The following NIBAN2 variants were observed in gnomAD, a reference collection of about 807,000 sequenced individuals.
NIBAN2 encodes the protein protein Niban 2.
A neutral mutation model predicts 81.8 loss-of-function variants in NIBAN2; 36 were observed. The ratio of observed to expected loss-of-function variants is 0.44; its 90% CI spans 0.34 to 0.58. The LOEUF is 0.58. NIBAN2 is among the 20% of genes least tolerant of loss of function. The pLI, the probability that NIBAN2 is intolerant of heterozygous loss-of-function variation, is 0.02. For synonymous variants in NIBAN2, 445 were observed against 441.6 expected, an observed-to-expected ratio of 1.01 and a Z score of -0.10; for missense variants, 897 against 1,014.1, an observed-to-expected ratio of 0.88 and a Z score of 1.57.
At chr9:127,539,161 A>G (rs758020651) in intron 1 of NIBAN2, among the ~76,000 whole-genome samples, 4 of 152,104 alleles carry the variant, frequency 2.6e-5, no homozygotes, top group South Asian at 2.1e-4. Flanking sequence ...AAAGGAAGAA[A>G]AGTGAGGCTC....
intron 1 of NIBAN2, among the ~76,000 whole-genome samples, chr9:127,564,191 G>A (rs867465629): frequency 6.6e-6 from 1 of 151,916 alleles, no homozygotes; most frequent in Non-Finnish European, 1.5e-5. Flanking sequence ...TACTCAGGAG[G>A]CTGAGACAGG....
Position 127,508,084 on chromosome 9 carries a change from G to T in NIBAN2, c.1542+9C>A. The T allele has an allele frequency of 6.2e-7, 1 of 1,611,746 alleles. No homozygotes were observed. The highest frequency in any genetic ancestry group is 8.5e-7 in the Non-Finnish European group (1 of 1,178,212). ...GCCCAAACGGCTGGAGCAGGTGGGG[G>T]CTGCTCACCGACTTGCAGGTAGGGG... On this transcript the variant is annotated intron_variant, in intron 12 of 13. Transcript: ENST00000373312. The surrounding 1 kb of genome is among the most constrained non-coding windows in gnomAD (Gnocchi z 6.4).
chr9:127,508,827 C>T lies in NIBAN2; in HGVS notation c.1317+149G>A. 1 of 909,594 alleles carries T rather than the reference C, an allele frequency of 1.1e-6. No individual in the cohort carries two copies. The highest frequency in any genetic ancestry group is 1.4e-5 in the South Asian group (1 of 69,492). The allele number at this position is 909,594 out of a possible 1,614,324, so 56.3% of individuals were successfully genotyped here. On this transcript the variant is annotated intron_variant, in intron 10 of 13. Coordinates refer to ENST00000373312, the MANE Select transcript of NIBAN2 (RefSeq NM_022833.4). This position sits in a 1 kb window ranked among gnomAD's most constrained non-coding sequence, Gnocchi z 6.4. ...TCAGAATTAGCCAGGTGGGCAGAGG[C>T]ACAGATGTTCCAAGCAGAGGAGGAG...
At position 127,517,005 on chromosome 9, in the gene NIBAN2, C is replaced by A. The variant is rs767479479; in HGVS notation, c.825G>T (p.Val275=). ...QRQWIQISDA[V]YHMVYEQAKA... ...TGGCCTGCTCGTACACCATGTGGTACACGGCGTCCGAGATCTGTGGGCAGA... is the reference window on the plus strand; with the variant it reads ...TGGCCTGCTCGTACACCATGTGGTAAACGGCGTCCGAGATCTGTGGGCAGA... The change falls in exon 8 of 14, where the codon GTG becomes GTT. Residue 275 remains valine, a synonymous_variant. Coordinates refer to ENST00000373312, the MANE Select transcript of NIBAN2 (RefSeq NM_022833.4). This position sits in a 1 kb window ranked among gnomAD's most constrained non-coding sequence, Gnocchi z 4.0. The A allele has an allele frequency of 8.1e-6, 13 of 1,613,658 alleles. No homozygotes were observed. Among genetic ancestry groups the A allele is most frequent in the Non-Finnish European group, 1.0e-5 (12 of 1,179,764 alleles).
At position 127,507,507 on chromosome 9, in the gene NIBAN2, A is replaced by G. The variant is rs2245051; in HGVS notation, c.1655-76T>C. On this transcript the variant is annotated intron_variant, in intron 13 of 13. Transcript: ENST00000373312. This position sits in a 1 kb window ranked among gnomAD's most constrained non-coding sequence, Gnocchi z 6.8. ...CCCCTGTGCTGGACTCTGCTCAAAG[A>G]AGACCCGTCTCATCCCGCCTTGGGG... 938,731 of 1,288,758 alleles carry G rather than the reference A, an allele frequency of 0.73. 345,647 individuals carry two copies. The highest frequency in any genetic ancestry group is 0.8 in the Middle Eastern group (3,337 of 4,194). The allele number at this position is 1,288,758 out of a possible 1,614,324, so 79.8% of individuals were successfully genotyped here.
intron 1 of NIBAN2, among the ~76,000 whole-genome samples, chr9:127,577,710 T>TTTTGTTTG (rs376947080): frequency 3.9e-5 from 6 of 151,974 alleles, no homozygotes; most frequent in East Asian, 1.9e-4. Context: ...TGCTATATCT[T>TTTTGTTTG]TTTGTTTGTT....
chr9:127,575,821 G>T (rs1345210875), intron 1 of NIBAN2, among the ~76,000 whole-genome samples: 2 of 152,146 alleles, frequency 1.3e-5, no homozygotes, highest in Non-Finnish European at 2.9e-5. Context: ...GAGCCACCGT[G>T]CCTGGCTGTG....
intron 1 of NIBAN2, among the ~76,000 whole-genome samples, chr9:127,578,021 T>C (rs2132250959): frequency 6.6e-6 from 1 of 151,792 alleles, no homozygotes; most frequent in South Asian, 2.1e-4. Context: ...AAACCCTGTC[T>C]CTACTAAAAA....
At chr9:127,519,509 T>C (rs1836896472) in intron 5 of NIBAN2, among the ~76,000 whole-genome samples, 1 of 152,224 alleles carries the variant, frequency 6.6e-6, no homozygotes. Flanking sequence ...AGGCTCCCAC[T>C]GCCATGACTA....
Position 127,516,864 on chromosome 9 carries a change from C to T in NIBAN2, c.966G>A (p.Lys322=). 1 of 1,612,564 alleles carries T rather than the reference C, an allele frequency of 6.2e-7. No homozygotes were observed. Among genetic ancestry groups the T allele is most frequent in the Non-Finnish European group, 8.5e-7 (1 of 1,178,654 alleles). ...ACGGGGGTGGCTGCCTACCTCGGAT[C>T]TTGCTGGCAAGGTGCTCCTTGGAGG... is the stretch of plus-strand genomic sequence containing the variant. ...IITSKEHLAS[K]IRAFILPKAE... Residue 322 remains lysine, a synonymous_variant, in exon 8 of 14, where the codon AAG becomes AAA. Coordinates refer to ENST00000373312, the MANE Select transcript of NIBAN2 (RefSeq NM_022833.4).
intron 8 of NIBAN2, among the ~76,000 whole-genome samples, chr9:127,513,778 A>G (rs1836776411): frequency 6.6e-6 from 1 of 152,200 alleles, no homozygotes; most frequent in Non-Finnish European, 1.5e-5. Context: ...CCATTCTTTT[A>G]TTCCTTCGCT....
chr9:127,538,280 C>T (rs1336021159), intron 1 of NIBAN2, among the ~76,000 whole-genome samples: 1 of 152,196 alleles, frequency 6.6e-6, no homozygotes, highest in African/African-American at 2.4e-5. Context: ...CCTAACTCTG[C>T]CCCTGGATCC....
At position 127,508,451 on chromosome 9, in the gene NIBAN2, T is replaced by C. The variant is rs759011266; in HGVS notation, c.1405A>G (p.Ile469Val). The C allele has an allele frequency of 5.0e-6, 8 of 1,613,226 alleles. No individual in the cohort carries two copies. Among genetic ancestry groups the C allele is most frequent in the East Asian group, 2.2e-5 (1 of 44,842 alleles). Residue 469 changes from isoleucine (I) to valine (V), a missense_variant, in exon 11 of 14, where the codon ATC becomes GTC. Ile to Val is a conservative substitution (Grantham distance 29). This residue lies in a region of NIBAN2 where 619 missense variants were observed against 691.0 expected (regional missense o/e 0.90). Coordinates refer to ENST00000373312, the MANE Select transcript of NIBAN2 (RefSeq NM_022833.4). This position sits in a 1 kb window ranked among gnomAD's most constrained non-coding sequence, Gnocchi z 6.4. ...AGCACCCGCTCCAGGACCCGCTGGA[T>C]GGACTTGCACAGCTCCTCCTTGGTG... ...GPTKEELCKS[I>V]QRVLERVLKK... is the part of the protein sequence containing the mutation.
intron 4 of NIBAN2, among the ~76,000 whole-genome samples, chr9:127,524,487 G>A (rs1837022629): frequency 6.6e-6 from 1 of 152,190 alleles, no homozygotes; most frequent in Non-Finnish European, 1.5e-5. Flanking sequence ...GTGCTTTGTA[G>A]ACACTGAAGA....
intron 1 of NIBAN2, among the ~76,000 whole-genome samples, chr9:127,567,380 G>A (rs904782211): frequency 6.6e-6 from 1 of 152,188 alleles, no homozygotes; most frequent in African/African-American, 2.4e-5. Flanking sequence ...GTCGGATAAG[G>A]AGGCTTTCCA....
chr9:127,565,759 G>C (rs1158601863), intron 1 of NIBAN2, among the ~76,000 whole-genome samples: 8 of 146,934 alleles, frequency 5.4e-5, no homozygotes, highest in African/African-American at 1.8e-4. Context: ...CTCCAGCCTG[G>C]GACAGAGAGT....
Position 127,516,871 on chromosome 9 carries a change from G to T in NIBAN2, c.959C>A (p.Ala320Asp), listed in dbSNP as rs1391938484. 3 of 1,612,988 alleles carry T rather than the reference G, an allele frequency of 1.9e-6. No homozygotes were observed. In the East Asian group the frequency reaches 6.7e-5, roughly 36 times the overall value. ...TGGCTGCCTACCTCGGATCTTGCTG[G>T]CAAGGTGCTCCTTGGAGGTGATAAT... Reference protein sequence around the residue: ...DQIITSKEHLASKIRAFILPK... With the variant: ...DQIITSKEHLDSKIRAFILPK... The change falls in exon 8 of 14, where the codon GCC becomes GAC. Residue 320 changes from alanine (A) to aspartate (D), a missense_variant. Around this residue, in one of 3 missense-constraint regions of NIBAN2, gnomAD observed 619 missense variants for 691.0 expected, o/e 0.90. Transcript: ENST00000373312.
chr9:127,526,427 G>A lies in NIBAN2; in HGVS notation c.315+767C>T, dbSNP rs938204813. ...AAAAAAAAAAAAAAGAAAAAAAAAA[G>A]AGATGCAAATCTTGGCTCCCAACCT... On this transcript the variant is annotated intron_variant, in intron 3 of 13. Transcript: ENST00000373312. 4.7e-4 allele frequency among the ~76,000 whole-genome samples: 68 copies of A among 144,484 alleles called. 1 individual carries two copies. The highest frequency in any genetic ancestry group is 7.8e-4 in the Non-Finnish European group (51 of 65,668). The allele number at this position is 144,484 out of a possible 152,430, so 94.8% of individuals were successfully genotyped here.
intron 1 of NIBAN2, among the ~76,000 whole-genome samples, chr9:127,564,154 G>A (rs922283495): frequency 6.6e-6 from 1 of 152,054 alleles, no homozygotes; most frequent in Admixed American, 6.6e-5. Flanking sequence ...TTAGCCAGGT[G>A]TGGTGGTGGG....
Sources: allele counts gnomAD v4.1 joint callset (sites outside exome capture counted in the v4.1 genomes callset), GRCh38; gene constraint gnomAD v4.1.1; regional missense constraint gnomAD v4.1.1; non-coding constraint Gnocchi (gnomAD v3.1); transcripts MANE v1.5; gene names NCBI Gene and HGNC (gene_info 2026-07-23, HGNC 2026-07-21).